Variants in TAOK3 observed in about 807,000 individuals in gnomAD.
TAOK3 encodes the protein serine/threonine-protein kinase TAO3.
TAOK3 carries 40 observed loss-of-function variants against 120.4 expected under a neutral mutation model. The ratio of observed to expected loss-of-function variants is 0.33; its 90% CI spans 0.26 to 0.43. The LOEUF is 0.43. Among genes scored for constraint, TAOK3 ranks in the 20% least tolerant of loss-of-function variants. The pLI, the probability that TAOK3 is intolerant of heterozygous loss-of-function variation, is 1.00. For missense variants in TAOK3, 821 were observed against 1,112.1 expected (o/e 0.74, Z 3.72); for synonymous variants, 355 against 387.5 (o/e 0.92, Z 0.99).
chr12:118,198,723 G>A, intron 13 of TAOK3: 1 of 326,768 alleles, frequency 3.1e-6, no homozygotes, highest in Non-Finnish European at 5.9e-6. Context: ...CTTCTAAAAG[G>A]GCACAACCAA....
intron 1 of TAOK3, among the ~76,000 whole-genome samples, chr12:118,332,336 T>C (rs1485412906): frequency 6.6e-6 from 1 of 152,136 alleles, no homozygotes; most frequent in Non-Finnish European, 1.5e-5. Context: ...TGTACTTAAA[T>C]ATAAAGCTAT....
intron 1 of TAOK3, among the ~76,000 whole-genome samples, chr12:118,280,745 T>C (rs546073695): frequency 6.6e-6 from 1 of 152,346 alleles, no homozygotes; most frequent in Non-Finnish European, 1.5e-5. Context: ...ATGTCATTGG[T>C]AGTTTGATAG....
At chr12:118,267,807 C>T (rs911335532) in intron 1 of TAOK3, among the ~76,000 whole-genome samples, 3 of 150,278 alleles carry the variant, frequency 2.0e-5, no homozygotes, top group African/African-American at 7.3e-5. Flanking sequence ...ATCGCTTGAA[C>T]CCAGGAGGCA....
At chr12:118,298,567 T>G (rs1002575236) in intron 1 of TAOK3, among the ~76,000 whole-genome samples, 1 of 152,134 alleles carries the variant, frequency 6.6e-6, no homozygotes, top group Non-Finnish European at 1.5e-5. Context: ...AGATAAAAAT[T>G]TCTGTGACAG....
chr12:118,272,516 A>T (rs1232163570), intron 1 of TAOK3, among the ~76,000 whole-genome samples: 2 of 152,152 alleles, frequency 1.3e-5, no homozygotes, highest in African/African-American at 4.8e-5. Flanking sequence ...AAACTCCACA[A>T]TATTTCAGTA....
Position 118,201,298 on chromosome 12 carries a change from C to T in TAOK3, c.985G>A (p.Glu329Lys). Residue 329 changes from glutamate (E) to lysine (K), a missense_variant and splice_region_variant, in exon 12 of 21, where the codon GAA becomes AAA. Physicochemically the swap from Glu to Lys is moderately conservative, Grantham distance 56. Around this residue, in one of 2 missense-constraint regions of TAOK3, gnomAD observed 467 missense variants for 540.0 expected, o/e 0.86. Transcript: ENST00000392533. The part of the protein sequence containing the change: ...GPLNESQEDE[E>K]DSEHGTSLNR... Reference sequence around the variant, plus strand: ...CTGCTAAAATAAATTGAACCTACTTCCTCATCCTCCTGTGACTCATTCAAG... The same window carrying T: ...CTGCTAAAATAAATTGAACCTACTTTCTCATCCTCCTGTGACTCATTCAAG... The T allele has an allele frequency of 6.2e-7, 1 of 1,611,790 alleles. No individual in the cohort carries two copies. Among genetic ancestry groups the T allele is most frequent in the Non-Finnish European group, 8.5e-7 (1 of 1,179,148 alleles).
chr12:118,298,599 G>C (rs1457019770), intron 1 of TAOK3, among the ~76,000 whole-genome samples: 1 of 152,148 alleles, frequency 6.6e-6, no homozygotes, highest in African/African-American at 2.4e-5. Context: ...GGTTCAAAAA[G>C]AGTTGGATAG....
At chr12:118,152,986 T>C (rs938352463) in intron 19 of TAOK3, among the ~76,000 whole-genome samples, 2 of 152,236 alleles carry the variant, frequency 1.3e-5, no homozygotes, top group African/African-American at 2.4e-5. Flanking sequence ...CTCTAAAAAA[T>C]TGATTCCAAT....
Position 118,255,641 on chromosome 12 carries a change from G to GT in TAOK3, c.-75dup. On this transcript the variant is annotated 5_prime_UTR_variant, in exon 3 of 21. Transcript: ENST00000392533. ...TCTCATTGACAATTTTTTTTGGGGGGTAAATCTTCAGTACCTGTAGAAAAA... is the reference window on the plus strand; with the variant it reads ...TCTCATTGACAATTTTTTTTGGGGGGTTAAATCTTCAGTACCTGTAGAAAAA... 6.8e-7 allele frequency: 1 copy of GT among 1,478,112 alleles called. No homozygotes were observed. Among genetic ancestry groups the GT allele is most frequent in the South Asian group, 1.3e-5 (1 of 74,304 alleles). The allele number at this position is 1,478,112 out of a possible 1,614,324, so 91.6% of individuals were successfully genotyped here.
At chr12:118,331,949 C>T (rs1232993333) in intron 1 of TAOK3, among the ~76,000 whole-genome samples, 1 of 151,896 alleles carries the variant, frequency 6.6e-6, no homozygotes, top group Non-Finnish European at 1.5e-5. Flanking sequence ...GCCTCAGTCC[C>T]CTGAGTAGCT....
At position 118,189,834 on chromosome 12, in the gene TAOK3, G is replaced by GCTC. The variant is rs760753651; in HGVS notation, c.1301_1302insGAG (p.Arg434_Phe435insSer). 6.2e-7 allele frequency: 1 copy of GCTC among 1,614,092 alleles called. No homozygotes were observed. The highest frequency in any genetic ancestry group is 1.3e-5 in the African/African-American group (1 of 74,932). ...AAGATGCTGATTTGATCGTGGCAAAGCGCTCTCTGTTCCGGTAGTGGAGGG... is the reference window on the plus strand; with the variant it reads ...AAGATGCTGATTTGATCGTGGCAAAGCTCCGCTCTCTGTTCCGGTAGTGGAGGG... On this transcript the variant is annotated inframe_insertion, in exon 14 of 21. Transcript: ENST00000392533.
chr12:118,215,330 C>CAAAAA (rs759313035), intron 9 of TAOK3, among the ~76,000 whole-genome samples: 1 of 89,616 alleles, frequency 1.1e-5, no homozygotes, highest in Non-Finnish European at 2.1e-5. Flanking sequence ...CCCGTCTCTA[C>CAAAAA]AAAAAAAAAA....
intron 1 of TAOK3, among the ~76,000 whole-genome samples, chr12:118,318,635 T>C (rs2043574800): frequency 6.6e-6 from 1 of 152,206 alleles, no homozygotes; most frequent in Admixed American, 6.5e-5. Flanking sequence ...TTAGTGGGAA[T>C]GTAAATTAGC....
chr12:118,362,463 A>G (rs943124383), intron 1 of TAOK3, among the ~76,000 whole-genome samples: 1 of 152,102 alleles, frequency 6.6e-6, no homozygotes, highest in Non-Finnish European at 1.5e-5. Flanking sequence ...ACAAGTTTGC[A>G]CGTAGGAATA....
chr12:118,334,099 C>T (rs1456017807), intron 1 of TAOK3, among the ~76,000 whole-genome samples: 17 of 139,632 alleles, frequency 1.2e-4, no homozygotes, highest in Non-Finnish European at 2.1e-4. Context: ...TGCACCATTG[C>T]ACTCCAGCCT....
At chr12:118,365,818 G>A (rs1412549894) in intron 1 of TAOK3, among the ~76,000 whole-genome samples, 1 of 152,200 alleles carries the variant, frequency 6.6e-6, no homozygotes, top group Non-Finnish European at 1.5e-5. Context: ...ATTTTGCCAA[G>A]AGATGATGGA....
chr12:118,319,274 G>T (rs2043600350), intron 1 of TAOK3, among the ~76,000 whole-genome samples: 2 of 151,966 alleles, frequency 1.3e-5, no homozygotes, highest in Non-Finnish European at 2.9e-5. Flanking sequence ...ACAATAAAAT[G>T]ACACCAAAAG....
chr12:118,252,349 A>G (rs1237776085), intron 3 of TAOK3, among the ~76,000 whole-genome samples: 1 of 152,194 alleles, frequency 6.6e-6, no homozygotes, highest in Non-Finnish European at 1.5e-5. Flanking sequence ...GTACAGATTA[A>G]GTGGGTTATA....
intron 4 of TAOK3, among the ~76,000 whole-genome samples, chr12:118,244,445 G>A (rs1173593715): frequency 1.3e-5 from 2 of 150,604 alleles, no homozygotes; most frequent in East Asian, 1.9e-4. Flanking sequence ...AAAACTTCAG[G>A]AACTTTTATT....
Sources: gnomAD v4.1 joint callset for allele counts (sites outside exome capture counted in the v4.1 genomes callset) on GRCh38, gnomAD v4.1.1 for gene constraint, gnomAD v4.1.1 regional missense constraint, MANE v1.5 for transcripts, NCBI Gene and HGNC (gene_info 2026-07-23, HGNC 2026-07-21) for gene names.